The following KCNIP4 variants were observed in gnomAD, a reference collection of about 807,000 sequenced individuals.
KCNIP4 encodes the protein Kv channel-interacting protein 4.
KCNIP4 carries 12 observed loss-of-function variants against 34.0 expected under a neutral mutation model. That is an observed-to-expected ratio of 0.35 (90% CI 0.23 to 0.57). The LOEUF is 0.57. Ranked by LOEUF, KCNIP4 falls within the 20% of genes least tolerant of loss-of-function variation. The pLI is 0.83. For synonymous variants in KCNIP4, 124 were observed against 102.2 expected (o/e 1.21, Z -1.29); for missense variants, 238 against 311.7 (o/e 0.76, Z 1.78).
intron 1 of KCNIP4, among the ~76,000 whole-genome samples, chr4:21,060,039 A>T (rs1322251277): frequency 6.6e-6 from 1 of 152,174 alleles, no homozygotes; most frequent in Non-Finnish European, 1.5e-5. Context: ...ATACCTAAAA[A>T]GATTGGAGAT....
At chr4:20,829,708 C>A (rs12649113) in intron 3 of KCNIP4, among the ~76,000 whole-genome samples, 28,528 of 152,130 alleles carry the variant, frequency 0.19, 2,818 homozygotes, top group South Asian at 0.38. Flanking sequence ...GCTTGAACCA[C>A]TGCGATAAGT....
chr4:21,838,608 A>G (rs1476854867), intron 1 of KCNIP4, among the ~76,000 whole-genome samples: 1 of 152,168 alleles, frequency 6.6e-6, no homozygotes, highest in Non-Finnish European at 1.5e-5. Context: ...ATGAATTCGT[A>G]TTGGGCTACA....
chr4:20,915,277 G>A (rs901934435), intron 1 of KCNIP4, among the ~76,000 whole-genome samples: 1 of 152,134 alleles, frequency 6.6e-6, no homozygotes, highest in Admixed American at 6.5e-5. Context: ...AATACTTTTT[G>A]AAGTTCACCC....
rs139973516 is a variant in KCNIP4, at chr4:21,036,039, G to A, written c.62-153330C>T. Among the ~76,000 whole-genome samples, 54 of 152,308 alleles carry A rather than the reference G, an allele frequency of 3.5e-4. 1 individual carries two copies. The East Asian group carries it at 9.9e-3, about 28-fold the overall frequency. On this transcript the variant is annotated intron_variant, in intron 1 of 8. Transcript: ENST00000382152. ...GCAGGATCACTCTGAGACTGGGACT[G>A]TGCCTGAAATTATATCCTTGCTTGA...
intron 1 of KCNIP4, among the ~76,000 whole-genome samples, chr4:21,366,168 C>T (rs1719742846): frequency 6.6e-6 from 1 of 152,164 alleles, no homozygotes; most frequent in African/African-American, 2.4e-5. Context: ...AAGGCTTGAA[C>T]GCTACCGGTG....
intron 1 of KCNIP4, among the ~76,000 whole-genome samples, chr4:21,062,530 A>ATGTGTGTGTGTG (rs3080754): frequency 6.7e-5 from 10 of 149,202 alleles, no homozygotes; most frequent in Admixed American, 4.0e-4. Context: ...GTGTGTGTGC[A>ATGTGTGTGTGTG]TGTGTGTGTG....
intron 1 of KCNIP4, among the ~76,000 whole-genome samples, chr4:21,472,444 TG>T (rs966620826): frequency 1.3e-5 from 2 of 152,132 alleles, no homozygotes; most frequent in Admixed American, 6.5e-5. Context: ...AATGTGTGTG[TG>T]GGGGGGTTAA....
chr4:21,937,268 T>A (rs1316056127), intron 1 of KCNIP4, among the ~76,000 whole-genome samples: 1 of 152,180 alleles, frequency 6.6e-6, no homozygotes, highest in East Asian at 1.9e-4. Flanking sequence ...CTCCAAAACC[T>A]GTTCCTCCGC....
chr4:20,941,050 T>C (rs1232909845), intron 1 of KCNIP4, among the ~76,000 whole-genome samples: 1 of 152,200 alleles, frequency 6.6e-6, no homozygotes, highest in African/African-American at 2.4e-5. Flanking sequence ...CGACATGAGT[T>C]AATGCTTTTA....
At chr4:21,651,309 A>G (rs539767799) in intron 1 of KCNIP4, among the ~76,000 whole-genome samples, 17 of 152,326 alleles carry the variant, frequency 1.1e-4, no homozygotes, top group African/African-American at 4.1e-4. Context: ...GTAAGCTGCT[A>G]TCTTCAGGAG....
chr4:20,834,599 G>C (rs1433662981), intron 3 of KCNIP4, among the ~76,000 whole-genome samples: 1 of 152,164 alleles, frequency 6.6e-6, no homozygotes, highest in African/African-American at 2.4e-5. Flanking sequence ...GAGGCCAAAA[G>C]CTCTTCTCCA....
At chr4:21,376,710 C>A (rs1276672222) in intron 1 of KCNIP4, among the ~76,000 whole-genome samples, 1 of 152,180 alleles carries the variant, frequency 6.6e-6, no homozygotes, top group Non-Finnish European at 1.5e-5. Flanking sequence ...CTCCACAACT[C>A]ATTTGTTCAT....
At chr4:21,731,038 T>C (rs28463803) in intron 1 of KCNIP4, among the ~76,000 whole-genome samples, 17,890 of 150,336 alleles carry the variant, frequency 0.12, 3,626 homozygotes, top group African/African-American at 0.42. Context: ...CACCTGAGCC[T>C]AGGAAGTCAA....
At chr4:21,406,562 T>C (rs919425346) in intron 1 of KCNIP4, among the ~76,000 whole-genome samples, 2 of 152,174 alleles carry the variant, frequency 1.3e-5, no homozygotes, top group Non-Finnish European at 2.9e-5. Flanking sequence ...ATATTCTTTG[T>C]GACAAAATGG....
At chr4:21,247,517 A>T (rs1760298838) in intron 1 of KCNIP4, among the ~76,000 whole-genome samples, 1 of 149,710 alleles carries the variant, frequency 6.7e-6, no homozygotes, top group South Asian at 2.1e-4. Context: ...CAGAGGGACG[A>T]TATGGCCCAG....
chr4:20,943,196 A>G (rs981074400), intron 1 of KCNIP4, among the ~76,000 whole-genome samples: 3 of 152,034 alleles, frequency 2.0e-5, no homozygotes, highest in Non-Finnish European at 4.4e-5. Context: ...TAACCAACTG[A>G]ATTTGGTGAG....
chr4:21,008,746 G>A (rs376718089), intron 1 of KCNIP4, among the ~76,000 whole-genome samples: 2 of 151,584 alleles, frequency 1.3e-5, no homozygotes, highest in African/African-American at 2.4e-5. Flanking sequence ...GGATGGTCTC[G>A]ATCTCCTGAT....
chr4:21,504,758 T>G (rs1241952135), intron 1 of KCNIP4, among the ~76,000 whole-genome samples: 1 of 152,158 alleles, frequency 6.6e-6, no homozygotes, highest in African/African-American at 2.4e-5. Flanking sequence ...CAAATTGATG[T>G]CCTTTTAAAA....
intron 1 of KCNIP4, among the ~76,000 whole-genome samples, chr4:21,424,897 C>A (rs1725805840): frequency 6.6e-6 from 1 of 152,114 alleles, no homozygotes; most frequent in Non-Finnish European, 1.5e-5. Context: ...CAATCCTGTC[C>A]CCAAATGTGC....
Sources: gnomAD v4.1 joint callset for allele counts (sites outside exome capture counted in the v4.1 genomes callset) on GRCh38, gnomAD v4.1.1 for gene constraint, MANE v1.5 for transcripts, NCBI Gene and HGNC (gene_info 2026-07-23, HGNC 2026-07-21) for gene names.